Variants in NRG3 observed in about 807,000 individuals in gnomAD.
The protein encoded by NRG3 is neuregulin 3, also known as pro-neuregulin-3, membrane-bound isoform.
NRG3 carries 31 observed loss-of-function variants against 66.9 expected under a neutral mutation model. That is an observed-to-expected ratio of 0.46 (90% CI 0.35 to 0.63). The LOEUF (loss-of-function observed/expected upper bound fraction) is 0.63, where lower values mean the gene tolerates loss of function less well. NRG3 is among the 20% of genes least tolerant of loss of function. The pLI, the probability that NRG3 is intolerant of heterozygous loss-of-function variation, is 0.00. For missense variants in NRG3, 910 were observed against 878.9 expected, an observed-to-expected ratio of 1.04 and a Z score of -0.45; for synonymous variants, 393 against 359.4, an observed-to-expected ratio of 1.09 and a Z score of -1.06.
intron 3 of NRG3, among the ~76,000 whole-genome samples, chr10:82,806,204 A>G (rs2061275322): frequency 6.6e-6 from 1 of 152,202 alleles, no homozygotes; most frequent in Non-Finnish European, 1.5e-5. Context: ...GTGAGTGTCA[A>G]CAAGGTTTGA....
chr10:82,509,170 C>T (rs1844944830), intron 2 of NRG3, among the ~76,000 whole-genome samples: 1 of 152,088 alleles, frequency 6.6e-6, no homozygotes, highest in South Asian at 2.1e-4. Flanking sequence ...CACCGTCTAA[C>T]TAGTTTTCTT....
At chr10:82,074,939 A>C (rs2065009162) in intron 1 of NRG3, among the ~76,000 whole-genome samples, 1 of 152,186 alleles carries the variant, frequency 6.6e-6, no homozygotes, top group African/African-American at 2.4e-5. Flanking sequence ...GCAGTATATG[A>C]AATTCTCCTT....
intron 1 of NRG3, among the ~76,000 whole-genome samples, chr10:81,980,426 C>G (rs2060292106): frequency 6.6e-6 from 1 of 152,056 alleles, no homozygotes; most frequent in Non-Finnish European, 1.5e-5. Context: ...GTAAAAGTAA[C>G]TTATAAACTG....
At chr10:82,636,241 C>T (rs10885065) in intron 2 of NRG3, among the ~76,000 whole-genome samples, 1,442 of 142,086 alleles carry the variant, frequency 0.01, 11 homozygotes, top group Admixed American at 0.021. Flanking sequence ...GTGTGTGTGT[C>T]TGTGTGTGTG....
At chr10:82,423,961 G>A (rs575329475) in intron 2 of NRG3, among the ~76,000 whole-genome samples, 1 of 152,084 alleles carries the variant, frequency 6.6e-6, no homozygotes, top group African/African-American at 2.4e-5. Context: ...CCGTGTTGTA[G>A]CATGAAGTAC....
intron 3 of NRG3, among the ~76,000 whole-genome samples, chr10:82,840,086 A>G (rs555336267): frequency 6.6e-5 from 10 of 152,168 alleles, no homozygotes; most frequent in African/African-American, 2.2e-4. Flanking sequence ...TTTTCAACCT[A>G]TATCTGTATA....
chr10:82,565,019 A>T (rs952096793), intron 2 of NRG3, among the ~76,000 whole-genome samples: 1 of 152,080 alleles, frequency 6.6e-6, no homozygotes, highest in Admixed American at 6.6e-5. Flanking sequence ...ACAGGGCAAA[A>T]AGAACACTGT....
At chr10:82,620,693 C>A (rs543556414) in intron 2 of NRG3, among the ~76,000 whole-genome samples, 1 of 152,250 alleles carries the variant, frequency 6.6e-6, no homozygotes, top group Admixed American at 6.5e-5. Flanking sequence ...AGAGAATGGG[C>A]AAACAGGGAT....
chr10:82,648,862 C>G (rs2051176687), intron 2 of NRG3, among the ~76,000 whole-genome samples: 1 of 152,048 alleles, frequency 6.6e-6, no homozygotes, highest in Non-Finnish European at 1.5e-5. Context: ...ATTTTGTACC[C>G]TGAGACTTTG....
intron 3 of NRG3, among the ~76,000 whole-genome samples, chr10:82,765,606 G>T (rs1005646999): frequency 6.6e-6 from 1 of 152,066 alleles, no homozygotes; most frequent in African/African-American, 2.4e-5. Flanking sequence ...GAATGAAGAT[G>T]TTATAAAGAA....
intron 1 of NRG3, among the ~76,000 whole-genome samples, chr10:82,118,600 G>A (rs1463359744): frequency 6.6e-6 from 1 of 152,152 alleles, no homozygotes; most frequent in Non-Finnish European, 1.5e-5. Flanking sequence ...TCTTTAGGAT[G>A]TATAAAGAAA....
At chr10:82,927,329 G>A (rs73311362) in intron 4 of NRG3, among the ~76,000 whole-genome samples, 3 of 152,208 alleles carry the variant, frequency 2.0e-5, no homozygotes, top group Middle Eastern at 6.8e-3. Flanking sequence ...TACATCCCCT[G>A]ACAAAATAAT....
rs578216968 is a variant in NRG3, at chr10:82,036,214, G to A, written c.823+160051G>A. 1.4e-4 allele frequency among the ~76,000 whole-genome samples: 22 copies of A among 152,114 alleles called. No homozygotes were observed. The South Asian group carries it at 4.2e-3, about 29-fold the overall frequency. ...GTAAGAACTGAGTTGAACCTAAAGG[G>A]TCGACTTATATTTTAGGCTGTTAGA... On this transcript the variant is annotated intron_variant, in intron 1 of 8. Coordinates refer to ENST00000372141, the MANE Select transcript of NRG3 (RefSeq NM_001010848.4).
rs1018998492 is a variant in NRG3, at chr10:82,246,590, G to C, written c.824-112149G>C. 3.3e-5 allele frequency among the ~76,000 whole-genome samples: 5 copies of C among 152,196 alleles called. No individual in the cohort carries two copies. In the East Asian group the frequency reaches 5.8e-4, roughly 18 times the overall value. On this transcript the variant is annotated intron_variant, in intron 1 of 8. Transcript: ENST00000372141. ...AAATCTGGGATATGCTAATGCTTTG[G>C]CATAAACAACTGAATATAAATCTCA... is the stretch of plus-strand genomic sequence containing the variant.
intron 1 of NRG3, among the ~76,000 whole-genome samples, chr10:82,316,923 G>T (rs1047126111): frequency 6.6e-6 from 1 of 152,164 alleles, no homozygotes; most frequent in Non-Finnish European, 1.5e-5. Flanking sequence ...GGGAGGCGAA[G>T]AACTTGTCAC....
At chr10:82,269,099 A>C (rs7358258) in intron 1 of NRG3, among the ~76,000 whole-genome samples, 2 of 151,950 alleles carry the variant, frequency 1.3e-5, no homozygotes, top group Admixed American at 1.3e-4. Context: ...ACTTTCTCTG[A>C]GAAATTCAAT....
chr10:81,900,113 A>AT (rs1162385650), intron 1 of NRG3, among the ~76,000 whole-genome samples: 2 of 151,718 alleles, frequency 1.3e-5, no homozygotes, highest in East Asian at 3.9e-4. Context: ...TGCCTGGCTA[A>AT]TTTTTTTGTA....
At chr10:82,375,411 C>G (rs1317664465) in intron 2 of NRG3, among the ~76,000 whole-genome samples, 1 of 152,000 alleles carries the variant, frequency 6.6e-6, no homozygotes, top group African/African-American at 2.4e-5. Flanking sequence ...GTGGCAGGTG[C>G]CTGTAGTCCC....
chr10:82,618,921 A>G (rs949726500), intron 2 of NRG3, among the ~76,000 whole-genome samples: 4 of 146,210 alleles, frequency 2.7e-5, no homozygotes, highest in African/African-American at 9.9e-5. Context: ...AATGGAGGTA[A>G]TAGGAGTGAT....
Sources: allele counts gnomAD v4.1 joint callset (sites outside exome capture counted in the v4.1 genomes callset), GRCh38; gene constraint gnomAD v4.1.1; transcripts MANE v1.5; gene names NCBI Gene and HGNC (gene_info 2026-07-23, HGNC 2026-07-21).